Variants in CLIC6 observed in about 807,000 individuals in gnomAD.
CLIC6 encodes chloride intracellular channel protein 6.
A neutral mutation model predicts 49.2 loss-of-function variants in CLIC6; 39 were observed. The ratio of observed to expected loss-of-function variants is 0.79; its 90% CI spans 0.61 to 1.04. The LOEUF (loss-of-function observed/expected upper bound fraction) is 1.04, where lower values mean the gene tolerates loss of function less well. Ranked by LOEUF, CLIC6 falls within the 50% of genes least tolerant of loss-of-function variation. CLIC6 has a pLI of 0.00. For missense variants in CLIC6, 988 were observed against 993.1 expected (o/e 0.99, Z 0.07); for synonymous variants, 446 against 433.4 (o/e 1.03, Z -0.36).
chr21:34,671,369 T>A (rs868774675), intron 1 of CLIC6, among the ~76,000 whole-genome samples: 5 of 152,188 alleles, frequency 3.3e-5, no homozygotes, highest in African/African-American at 1.2e-4. Context: ...TGGAGCCTTA[T>A]TGACATAATG....
chr21:34,674,762 C>A (rs554918251), intron 1 of CLIC6, among the ~76,000 whole-genome samples: 2 of 152,296 alleles, frequency 1.3e-5, no homozygotes, highest in South Asian at 2.1e-4. Context: ...AAGAAAGGTT[C>A]TTTTTCTTTC....
chr21:34,702,322 G>A (rs1601281769), intron 1 of CLIC6, among the ~76,000 whole-genome samples: 1 of 152,150 alleles, frequency 6.6e-6, no homozygotes, highest in South Asian at 2.1e-4. Flanking sequence ...CAATCTCTGG[G>A]TCCTGTCTTG....
chr21:34,699,943 G>A (rs1295588654), intron 1 of CLIC6, among the ~76,000 whole-genome samples: 2 of 152,110 alleles, frequency 1.3e-5, no homozygotes, highest in African/African-American at 2.4e-5. Flanking sequence ...TGGGCATGAT[G>A]TTTACATAGG....
rs562839497 is a variant in CLIC6 at position 34,684,933 on chromosome 21, T to C, written c.1374+14171T>C. Reference sequence around the variant, plus strand: ...TGTCAGTTTCAGGGCACCCTTTTGGTTTCCAGGTGTGAGAGTTCAAAACTG... The same window carrying C: ...TGTCAGTTTCAGGGCACCCTTTTGGCTTCCAGGTGTGAGAGTTCAAAACTG... On this transcript the variant is annotated intron_variant, in intron 1 of 5. Transcript: ENST00000349499. Among the ~76,000 whole-genome samples, 26 of 152,330 alleles carry C rather than the reference T, an allele frequency of 1.7e-4. 1 individual carries two copies. The highest frequency in any genetic ancestry group is 1.0e-3 in the South Asian group (5 of 4,826).
intron 2 of CLIC6, among the ~76,000 whole-genome samples, 163 bp downstream of exon 2, chr21:34,707,552 G>A (rs959609815): frequency 4.6e-5 from 7 of 151,998 alleles, no homozygotes; most frequent in Non-Finnish European, 7.4e-5. Flanking sequence ...AAGCAGTCAT[G>A]ACAGGGTCGG....
chr21:34,707,998 T>G lies in CLIC6; in HGVS notation c.1539T>G (p.Thr513=), dbSNP rs143760085. ...LAPGTNPPFM[T]FDGEVKTDVN... ...CCGGAACAAACCCTCCTTTCATGAC[T>G]TTTGATGGTGAAGTCAAGACGGATG... The change falls in exon 3 of 6, where the codon ACT becomes ACG. Residue 513 remains threonine (T), a synonymous_variant. Transcript: ENST00000349499. 6 of 1,614,072 alleles carry G rather than the reference T, an allele frequency of 3.7e-6. No homozygotes were observed. Among genetic ancestry groups the G allele is most frequent in the African/African-American group, 2.7e-5 (2 of 74,990 alleles).
intron 5 of CLIC6, among the ~76,000 whole-genome samples, chr21:34,713,396 G>C (rs2056068879): frequency 6.6e-6 from 1 of 152,138 alleles, no homozygotes; most frequent in African/African-American, 2.4e-5. Flanking sequence ...AAGAAGAAAA[G>C]TAAAGACAAA....
chr21:34,699,204 C>T (rs1021365629), intron 1 of CLIC6, among the ~76,000 whole-genome samples: 2 of 152,078 alleles, frequency 1.3e-5, no homozygotes, highest in African/African-American at 2.4e-5. Flanking sequence ...AGAACCTTAC[C>T]TGAAGTCAGA....
Position 34,670,680 on chromosome 21 carries a change from G to A in CLIC6, c.1292G>A (p.Arg431His). 1 of 1,577,638 alleles carries A rather than the reference G, an allele frequency of 6.3e-7. No homozygotes were observed. The highest frequency in any genetic ancestry group is 8.6e-7 in the Non-Finnish European group (1 of 1,165,534). Residue 431 changes from arginine to histidine, a missense_variant, in exon 1 of 6, where the codon CGC (arginine) becomes CAC (histidine). Arg to His is a conservative substitution (Grantham distance 29). Coordinates refer to ENST00000349499, the MANE Select transcript of CLIC6 (RefSeq NM_053277.3). ...GCCGAGGGTAGCGGCGAGGCCGCGC[G>A]CGTGAACGGCCGCCGGGAGGACGGA... ...GPAEGSGEAARVNGRREDGEA... is the reference protein window; with the variant it reads ...GPAEGSGEAAHVNGRREDGEA...
At chr21:34,672,969 T>A (rs1376323681) in intron 1 of CLIC6, among the ~76,000 whole-genome samples, 1 of 152,374 alleles carries the variant, frequency 6.6e-6, no homozygotes, top group East Asian at 1.9e-4. Context: ...CTCGCATAAC[T>A]TGCACTGATT....
At position 34,669,739 on chromosome 21, in the gene CLIC6, G is replaced by A; in HGVS notation, c.351G>A (p.Ala117=). Residue 117 remains alanine (A), a synonymous_variant, in exon 1 of 6, where the codon GCG becomes GCA. Coordinates refer to ENST00000349499, the MANE Select transcript of CLIC6 (RefSeq NM_053277.3). The part of the protein sequence containing the change: ...QVEGASPGRG[A]QGEPRGEAQR... ...AGGGGGCGAGCCCGGGACGCGGCGC[G>A]CAGGGCGAGCCCCGCGGGGAGGCTC... 7.2e-7 allele frequency: 1 copy of A among 1,384,888 alleles called. No homozygotes were observed. The highest frequency in any genetic ancestry group is 9.3e-7 in the Non-Finnish European group (1 of 1,079,720). 85.8% of individuals were successfully genotyped at this position (1,384,888 alleles called of 1,614,324 possible).
intron 1 of CLIC6, among the ~76,000 whole-genome samples, chr21:34,672,439 A>G (rs1222030698): frequency 1.3e-5 from 2 of 151,972 alleles, no homozygotes; most frequent in Admixed American, 6.6e-5. Flanking sequence ...TTTCTACATT[A>G]TGTACCCTCT....
At chr21:34,693,781 A>T (rs576516172) in intron 1 of CLIC6, among the ~76,000 whole-genome samples, 1 of 152,094 alleles carries the variant, frequency 6.6e-6, no homozygotes, top group Non-Finnish European at 1.5e-5. Context: ...GACGTAGAGG[A>T]GTTGTGGTCT....
chr21:34,714,517 G>A (rs552241425), intron 5 of CLIC6, among the ~76,000 whole-genome samples: 10 of 151,950 alleles, frequency 6.6e-5, no homozygotes, highest in African/African-American at 1.2e-4. Flanking sequence ...GTGAAACCCC[G>A]TCTCTACTAA....
chr21:34,675,981 T>A (rs1989663342), intron 1 of CLIC6, among the ~76,000 whole-genome samples: 1 of 151,268 alleles, frequency 6.6e-6, no homozygotes, highest in Non-Finnish European at 1.5e-5. Context: ...TGTGCACACA[T>A]CACAGCTCCC....
chr21:34,707,267 T>C lies in CLIC6; in HGVS notation c.1375-13T>C, dbSNP rs371314860. On this transcript the variant is annotated splice_polypyrimidine_tract_variant and intron_variant, in intron 1 of 5. Transcript: ENST00000349499. ...AGACTGGCTCAGATAGAAATCTCCT[T>C]CTCCACTTGTAGGCTGGTTATGATG... 22 of 1,595,496 alleles carry C rather than the reference T, an allele frequency of 1.4e-5. No individual in the cohort carries two copies. The African/African-American group carries it at 2.8e-4, about 20-fold the overall frequency.
intron 1 of CLIC6, among the ~76,000 whole-genome samples, chr21:34,683,162 T>A (rs1237873090): frequency 6.6e-6 from 1 of 152,156 alleles, no homozygotes; most frequent in East Asian, 1.9e-4. Context: ...GTGTATGCCC[T>A]TTTAGAATGA....
At chr21:34,706,845 G>A (rs774443305) in intron 1 of CLIC6, among the ~76,000 whole-genome samples, 18 of 152,188 alleles carry the variant, frequency 1.2e-4, no homozygotes, top group Non-Finnish European at 2.2e-4. Flanking sequence ...GTTGTTTCCA[G>A]GTTTTAGCTA....
chr21:34,670,519 C>G lies in CLIC6; in HGVS notation c.1131C>G (p.Ser377Arg). Residue 377 changes from serine (S) to arginine (R), a missense_variant, in exon 1 of 6, where the codon AGC becomes AGG. By Grantham distance (110) the Ser-to-Arg change is moderately radical. Transcript: ENST00000349499. Reference protein sequence around the residue: ...PGEDEERRERSPEGPREEEAA... With the variant: ...PGEDEERRERRPEGPREEEAA... ...AGGACGAAGAGAGACGAGAGCGGAG[C>G]CCGGAGGGGCCAAGGGAGGAGGAAG... is the stretch of plus-strand genomic sequence containing the variant. The G allele has an allele frequency of 6.7e-7, 1 of 1,495,224 alleles. No individual in the cohort carries two copies. The highest frequency in any genetic ancestry group is 8.9e-7 in the Non-Finnish European group (1 of 1,121,852). 92.6% of individuals were successfully genotyped at this position (1,495,224 alleles called of 1,614,324 possible). A position where few individuals can be genotyped will look rare whatever the true frequency, so the allele number is the denominator to read the frequency against.
Sources: allele counts gnomAD v4.1 joint callset (sites outside exome capture counted in the v4.1 genomes callset), GRCh38; gene constraint gnomAD v4.1.1; transcripts MANE v1.5; gene names NCBI Gene and HGNC (gene_info 2026-07-23, HGNC 2026-07-21).